Variants in PTGER3 observed in about 807,000 individuals in gnomAD.
PTGER3 encodes the protein prostaglandin E receptor 3.
In PTGER3, 22 loss-of-function variants were observed where a neutral mutation model predicts 34.7. That is an observed-to-expected ratio of 0.63 (90% CI 0.45 to 0.91). The LOEUF (loss-of-function observed/expected upper bound fraction) is 0.91. PTGER3 is among the 40% of genes least tolerant of loss of function. The pLI is 0.00. For synonymous variants in PTGER3, 241 were observed against 230.1 expected (o/e 1.05, Z -0.43); for missense variants, 468 against 519.4 (o/e 0.90, Z 0.96).
At chr1:70,958,436 G>T (rs1028533225) in intron 2 of PTGER3, among the ~76,000 whole-genome samples, 1 of 152,104 alleles carries the variant, frequency 6.6e-6, no homozygotes, top group African/African-American at 2.4e-5. Context: ...GATTAGTGAA[G>T]TTTTGCATTT....
intron 1 of PTGER3, among the ~76,000 whole-genome samples, chr1:71,014,394 T>C (rs1373713248): frequency 1.3e-5 from 2 of 152,208 alleles, no homozygotes; most frequent in African/African-American, 2.4e-5. Context: ...TTCACTCTCA[T>C]TCTTGTTCAG....
intron 2 of PTGER3, among the ~76,000 whole-genome samples, chr1:70,977,764 G>A (rs978414196): frequency 6.6e-6 from 1 of 151,800 alleles, no homozygotes; most frequent in Non-Finnish European, 1.5e-5. Flanking sequence ...CCCTTGTCTT[G>A]GGAAACCAAT....
At chr1:70,994,185 A>G (rs1655719708) in intron 2 of PTGER3, among the ~76,000 whole-genome samples, 1 of 152,156 alleles carries the variant, frequency 6.6e-6, no homozygotes, top group South Asian at 2.1e-4. Flanking sequence ...GAATTAATCA[A>G]AAACTGTCTT....
chr1:70,891,640 T>C (rs1646620177), intron 4 of PTGER3, among the ~76,000 whole-genome samples: 1 of 152,244 alleles, frequency 6.6e-6, no homozygotes, highest in Non-Finnish European at 1.5e-5. Flanking sequence ...TTTGTGGTTT[T>C]AGATCAGATA....
intron 2 of PTGER3, chr1:71,010,030 T>C (rs971241886): frequency 5.2e-5 from 51 of 985,016 alleles, no homozygotes; most frequent in Non-Finnish European, 6.0e-5. Flanking sequence ...TCCACCTCCC[T>C]TTCAAGCTTG....
At chr1:71,000,120 G>A (rs1349433750) in intron 2 of PTGER3, among the ~76,000 whole-genome samples, 1 of 152,038 alleles carries the variant, frequency 6.6e-6, no homozygotes, top group East Asian at 1.9e-4. Flanking sequence ...TCTTCCATGG[G>A]GTTTTAAACA....
At chr1:70,952,905 T>A (rs1334267213) in exon 4 of PTGER3, 1 of 1,603,080 alleles carries the variant, frequency 6.2e-7, no homozygotes, top group South Asian at 1.1e-5. Flanking sequence ...ATTTTCTTCA[T>A]GTTATTCTGT....
intron 2 of PTGER3, chr1:71,008,162 T>C: frequency 1.0e-6 from 1 of 963,188 alleles, no homozygotes; most frequent in East Asian, 1.1e-4. Context: ...TCAAGGGGAC[T>C]AGGAGAAAAC....
chr1:70,972,231 G>A (rs2100679838), intron 3 of PTGER3, among the ~76,000 whole-genome samples: 2 of 152,232 alleles, frequency 1.3e-5, no homozygotes, highest in Middle Eastern at 6.8e-3. Context: ...GCTGAGGCAG[G>A]AGAATCGCTT....
At chr1:71,036,891 C>T (rs1403294433) in intron 1 of PTGER3, among the ~76,000 whole-genome samples, 1 of 152,042 alleles carries the variant, frequency 6.6e-6, no homozygotes, top group Non-Finnish European at 1.5e-5. Flanking sequence ...ATCTGAGTAC[C>T]ACCCAGAGCC....
chr1:70,954,915 T>C (rs185060820), intron 2 of PTGER3, among the ~76,000 whole-genome samples: 102 of 152,272 alleles, frequency 6.7e-4, no homozygotes, highest in Non-Finnish European at 8.5e-4. Context: ...TCATGTTTTC[T>C]GGCTAAAATA....
At chr1:70,895,864 T>C (rs151238414) in intron 4 of PTGER3, among the ~76,000 whole-genome samples, 1 of 152,302 alleles carries the variant, frequency 6.6e-6, no homozygotes, top group East Asian at 1.9e-4. Flanking sequence ...GGACAAACAG[T>C]TGTACTAGAC....
chr1:70,995,584 T>G (rs1314667124), intron 2 of PTGER3, among the ~76,000 whole-genome samples: 1 of 152,174 alleles, frequency 6.6e-6, no homozygotes, highest in South Asian at 2.1e-4. Flanking sequence ...AAAAAAATTT[T>G]AGAATTATTT....
chr1:70,852,684 A>T, exon 5 of PTGER3: 1 of 884,226 alleles, frequency 1.1e-6, no homozygotes, highest in Non-Finnish European at 1.9e-6. Flanking sequence ...ACAGGACATA[A>T]CAGCTTCTGG....
intron 4 of PTGER3, among the ~76,000 whole-genome samples, chr1:70,889,602 G>A (rs1646573575): frequency 6.6e-6 from 1 of 151,942 alleles, no homozygotes; most frequent in South Asian, 2.1e-4. Flanking sequence ...ATGACCAAAA[G>A]AAAAATAAAA....
At chr1:70,929,119 A>G (rs1350689789) in intron 4 of PTGER3, among the ~76,000 whole-genome samples, 1 of 152,208 alleles carries the variant, frequency 6.6e-6, no homozygotes, top group Admixed American at 6.5e-5. Flanking sequence ...TAGAAAACAT[A>G]TGACTTCTGT....
At chr1:70,937,845 C>A (rs1200760413) in intron 4 of PTGER3, among the ~76,000 whole-genome samples, 1 of 151,658 alleles carries the variant, frequency 6.6e-6, no homozygotes, top group Non-Finnish European at 1.5e-5. Context: ...TCATCTGAAG[C>A]AATTGTCTCA....
chr1:71,020,572 G>A (rs1658314147), intron 1 of PTGER3, among the ~76,000 whole-genome samples: 1 of 151,888 alleles, frequency 6.6e-6, no homozygotes, highest in Non-Finnish European at 1.5e-5. Context: ...TGAAACAAAA[G>A]TCAAAATTCC....
At position 71,044,359 on chromosome 1, in the gene PTGER3, C is replaced by T. The variant is rs184577702; in HGVS notation, c.897+2322G>A. On this transcript the variant is annotated intron_variant, in intron 1 of 3. Coordinates refer to ENST00000306666, the MANE Select transcript of PTGER3 (RefSeq NM_198719.2). ...GGCTGAGGCAGTAGAATCACTTGCA[C>T]CTGGGAGGTGGAGGCTGCAGAGAGC... Among the ~76,000 whole-genome samples the T allele has an allele frequency of 2.7e-5, 4 of 150,318 alleles. No homozygotes were observed. The East Asian group carries it at 6.0e-4, about 23-fold the overall frequency.
Sources: gnomAD v4.1 joint callset for allele counts (sites outside exome capture counted in the v4.1 genomes callset) on GRCh38, gnomAD v4.1.1 for gene constraint, MANE v1.5 for transcripts, NCBI Gene and HGNC (gene_info 2026-07-23, HGNC 2026-07-21) for gene names.